The following PSME4 variants were observed in gnomAD, a reference collection of about 807,000 sequenced individuals.
The protein encoded by PSME4 is proteasome activator complex subunit 4.
In PSME4, 89 loss-of-function variants were observed where a neutral mutation model predicts 253.9. The ratio of observed to expected loss-of-function variants is 0.35; its 90% CI spans 0.30 to 0.42. The LOEUF (loss-of-function observed/expected upper bound fraction) is 0.42, where lower values mean the gene tolerates loss of function less well. Among genes scored for constraint, PSME4 ranks in the 10% least tolerant of loss-of-function variants. The pLI is 1.00. For missense variants in PSME4, 2,014 were observed against 2,195.2 expected, an observed-to-expected ratio of 0.92 and a Z score of 1.65; for synonymous variants, 851 against 759.2, an observed-to-expected ratio of 1.12 and a Z score of -1.99.
chr2:53,962,776 G>A (rs545843072), intron 1 of PSME4, among the ~76,000 whole-genome samples: 35 of 152,086 alleles, frequency 2.3e-4, no homozygotes, highest in African/African-American at 8.2e-4. Flanking sequence ...ACTTTGGGAG[G>A]CTGAGGCAGG....
chr2:53,937,852 T>C (rs1001975092), intron 4 of PSME4, among the ~76,000 whole-genome samples: 2 of 152,064 alleles, frequency 1.3e-5, no homozygotes, highest in African/African-American at 2.4e-5. Flanking sequence ...TTGCCAGACA[T>C]GATGGCGGCG....
intron 1 of PSME4, among the ~76,000 whole-genome samples, chr2:53,957,482 C>G (rs1348711510): frequency 2.6e-5 from 4 of 152,184 alleles, no homozygotes; most frequent in African/African-American, 9.7e-5. Context: ...CTAGATCCCT[C>G]TCATGTGCAG....
intron 44 of PSME4, among the ~76,000 whole-genome samples, chr2:53,868,180 G>T (rs805383): frequency 0.22 from 33,781 of 151,598 alleles, 4,121 homozygotes; most frequent in South Asian, 0.29. Flanking sequence ...TCTCAGGCCA[G>T]GTGCTGTGGC....
At position 53,915,760 on chromosome 2, in the gene PSME4, T is replaced by G. The variant is rs140952347; in HGVS notation, c.2516+3391A>C. Among the ~76,000 whole-genome samples, 347 of 152,026 alleles carry G rather than the reference T, an allele frequency of 2.3e-3. 1 individual carries two copies. The highest frequency in any genetic ancestry group is 8.0e-3 in the African/African-American group (332 of 41,486). ...AATTTTATCTAAGATTTATATAAGTTTAAATGTTTAAAAAAAAGAATTTTA... is the reference window on the plus strand; with the variant it reads ...AATTTTATCTAAGATTTATATAAGTGTAAATGTTTAAAAAAAAGAATTTTA... On this transcript the variant is annotated intron_variant, in intron 20 of 46. Coordinates refer to ENST00000404125, the MANE Select transcript of PSME4 (RefSeq NM_014614.3).
chr2:53,937,418 G>A lies in PSME4; in HGVS notation c.668C>T (p.Pro223Leu). Reference protein sequence around the residue: ...YFEIFLPTSLPPELHHKGFKL... With the variant: ...YFEIFLPTSLLPELHHKGFKL... ...AAAACCTTTATGATGAAGTTCTGGAGGAAGGGAGGTAGGAAGAAATATTTC... is the reference window on the plus strand; with the variant it reads ...AAAACCTTTATGATGAAGTTCTGGAAGAAGGGAGGTAGGAAGAAATATTTC... Residue 223 changes from proline to leucine, a missense_variant, in exon 5 of 47, where the codon CCT becomes CTT. Transcript: ENST00000404125. 1 of 1,606,768 alleles carries A rather than the reference G, an allele frequency of 6.2e-7. No homozygotes were observed. The highest frequency in any genetic ancestry group is 2.2e-5 in the East Asian group (1 of 44,722).
In PSME4 at chr2:53,873,238, C is replaced by CAAAAAAAAAAAAAA. The variant is rs60203960; in HGVS notation, c.5100+1100_5100+1101insTTTTTTTTTTTTTT. 2.6e-3 allele frequency among the ~76,000 whole-genome samples: 317 copies of CAAAAAAAAAAAAAA among 123,074 alleles called. 17 individuals carry two copies. The highest frequency in any genetic ancestry group is 9.5e-3 in the African/African-American group (278 of 29,272). 80.7% of individuals were successfully genotyped at this position (123,074 alleles called of 152,430 possible). A position where few individuals can be genotyped will look rare whatever the true frequency, so the allele number is the denominator to read the frequency against. Reference sequence around the variant, plus strand: ...CCTGGGTAACAGCGAGACTCCGTCTCAAAAAAAAAGAAAAAAAAAAACAGT... The same window carrying CAAAAAAAAAAAAAA: ...CCTGGGTAACAGCGAGACTCCGTCTCAAAAAAAAAAAAAAAAAAAAAAAGAAAAAAAAAAACAGT... On this transcript the variant is annotated intron_variant, in intron 43 of 46. Transcript: ENST00000404125.
chr2:53,906,933 T>A, intron 24 of PSME4, 65 bp from the exon 25 acceptor site: 1 of 1,439,776 alleles, frequency 6.9e-7, no homozygotes, highest in African/African-American at 1.4e-5. Context: ...AATGGATGCC[T>A]CTAAATACCT....
rs117555717 is a variant in PSME4 at position 53,948,821 on chromosome 2, A to T, written c.384-284T>A. 2.4e-4 allele frequency among the ~76,000 whole-genome samples: 37 copies of T among 152,314 alleles called. No individual in the cohort carries two copies. In the East Asian group the frequency reaches 7.1e-3, roughly 29 times the overall value. On this transcript the variant is annotated intron_variant, in intron 2 of 46. Transcript: ENST00000404125. ...TGTTTTCCCACACTATGGAATATTTAATGTTTCCAGCATTGAGTTGGATGC... is the reference window on the plus strand; with the variant it reads ...TGTTTTCCCACACTATGGAATATTTTATGTTTCCAGCATTGAGTTGGATGC...
chr2:53,930,688 T>G (rs573823752), intron 10 of PSME4, among the ~76,000 whole-genome samples: 23 of 152,284 alleles, frequency 1.5e-4, no homozygotes, highest in Admixed American at 1.2e-3. Flanking sequence ...CCCATTTTGG[T>G]TAAGATCTTG....
chr2:53,887,762 C>A, intron 39 of PSME4, 96 bp downstream of exon 39: 1 of 1,375,168 alleles, frequency 7.3e-7, no homozygotes. Context: ...ATGAAACCCA[C>A]TGACAACATA....
Position 53,922,569 on chromosome 2 carries a change from T to C in PSME4, c.1994A>G (p.Asn665Ser). The stretch of plus-strand genomic sequence containing the variant: ...TAATTCCTTGTCTAGCTCTTCATCA[T>C]TTAATACATCATCATCTAAAAACAG... The part of the protein sequence containing the change: ...TQLTMNDDVL[N>S]DEELDKELLW... The change falls in exon 17 of 47, where the codon AAT (asparagine) becomes AGT (serine). Residue 665 changes from asparagine (N) to serine (S), a missense_variant. Transcript: ENST00000404125. 6.2e-7 allele frequency: 1 copy of C among 1,612,936 alleles called. No individual in the cohort carries two copies. The highest frequency in any genetic ancestry group is 8.5e-7 in the Non-Finnish European group (1 of 1,179,588).
At chr2:53,916,085 T>A (rs1316126390) in intron 20 of PSME4, among the ~76,000 whole-genome samples, 1 of 151,282 alleles carries the variant, frequency 6.6e-6, no homozygotes, top group Non-Finnish European at 1.5e-5. Flanking sequence ...CAAAAAAAAT[T>A]AAAATACAAA....
At chr2:53,874,844 C>CT (rs1175042904) in intron 42 of PSME4, among the ~76,000 whole-genome samples, 1 of 152,168 alleles carries the variant, frequency 6.6e-6, no homozygotes, top group Admixed American at 6.5e-5. Flanking sequence ...ACTTGGGAAG[C>CT]TGAGACAAGA....
intron 6 of PSME4, 51 bp from the exon 7 acceptor site, chr2:53,936,212 AG>A (rs1669107757): frequency 6.2e-7 from 1 of 1,607,556 alleles, no homozygotes; most frequent in Admixed American, 1.7e-5. Context: ...TTATTGTTTA[AG>A]TGTCATAGTC....
intron 12 of PSME4, among the ~76,000 whole-genome samples, chr2:53,926,979 AAAAGAAAGAAAG>A (rs551552640): frequency 2.6e-5 from 4 of 151,246 alleles, no homozygotes; most frequent in African/African-American, 9.7e-5. Flanking sequence ...TCTCAAAAAA[AAAAGAAAGAAAG>A]AAAGAAAGAA....
At chr2:53,908,747 C>T in intron 22 of PSME4, 37 bp downstream of exon 22, 1 of 1,512,766 alleles carries the variant, frequency 6.6e-7, no homozygotes, top group Non-Finnish European at 9.0e-7. Context: ...ATACTTATTC[C>T]AAAGTACAAA....
intron 36 of PSME4, among the ~76,000 whole-genome samples, chr2:53,891,857 C>CT (rs1679921982): frequency 1.1e-5 from 1 of 95,052 alleles, no homozygotes. Flanking sequence ...GTAAGACTGT[C>CT]CAAAAAAAAA....
At chr2:53,882,570 T>C (rs1243248195) in intron 41 of PSME4, among the ~76,000 whole-genome samples, 2 of 152,162 alleles carry the variant, frequency 1.3e-5, no homozygotes, top group African/African-American at 4.8e-5. Flanking sequence ...AGGGGTTGAA[T>C]TAGATGCCCA....
chr2:53,887,219 G>T (rs1679681221), intron 40 of PSME4, 40 bp downstream of exon 40: 1 of 1,518,460 alleles, frequency 6.6e-7, no homozygotes, highest in African/African-American at 1.4e-5. Flanking sequence ...TAATCAAATA[G>T]ATGTTTTCAA....
Sources: gnomAD v4.1 joint callset for allele counts (sites outside exome capture counted in the v4.1 genomes callset) on GRCh38, gnomAD v4.1.1 for gene constraint, MANE v1.5 for transcripts, NCBI Gene and HGNC (gene_info 2026-07-23, HGNC 2026-07-21) for gene names.